WWC2: variants seen among roughly 807,000 people sequenced by gnomAD.
WWC2 encodes the protein WW and C2 domain containing 2.
Under a neutral mutation model 138.5 loss-of-function variants are expected in WWC2, and 101 were observed. The observed-to-expected ratio is 0.73, with a 90% confidence interval of 0.62 to 0.86. The LOEUF (loss-of-function observed/expected upper bound fraction) is 0.86. Among genes scored for constraint, WWC2 ranks in the 40% least tolerant of loss-of-function variants. The pLI is 0.00. For synonymous variants in WWC2, 558 were observed against 538.4 expected (o/e 1.04, Z -0.50); for missense variants, 1,420 against 1,419.4 (o/e 1.00, Z -0.01).
intron 1 of WWC2, among the ~76,000 whole-genome samples, chr4:183,191,359 C>CTT (rs1734985226): frequency 6.6e-6 from 1 of 152,038 alleles, no homozygotes; most frequent in East Asian, 1.9e-4. Flanking sequence ...GGGCACATTG[C>CTT]TTAACATGTT....
At chr4:183,131,952 A>G (rs1433797824) in intron 1 of WWC2, among the ~76,000 whole-genome samples, 3 of 152,200 alleles carry the variant, frequency 2.0e-5, no homozygotes, top group African/African-American at 4.8e-5. Context: ...CTGAGCAGCT[A>G]TGATGCCTCT....
At position 183,318,248 on chromosome 4, in the gene WWC2, CAA is replaced by C. The variant is rs546892924; in HGVS notation, c.*2521_*2522del. The C allele has an allele frequency of 1.1e-4, 17 of 152,434 alleles. No homozygotes were observed. The highest frequency in any genetic ancestry group is 2.5e-4 in the Non-Finnish European group (17 of 67,980). 9.4% of individuals were successfully genotyped at this position (152,434 alleles called of 1,614,324 possible). On this transcript the variant is annotated 3_prime_UTR_variant, in exon 23 of 23. Transcript: ENST00000403733. ...AAAAGAATATTGCTAGCCAAATGAA[CAA>C]AGTTTAGCTAAATCTCTGTAGCATG...
chr4:183,199,289 A>G (rs940126923), intron 2 of WWC2, among the ~76,000 whole-genome samples: 11 of 152,050 alleles, frequency 7.2e-5, no homozygotes, highest in African/African-American at 2.7e-4. Flanking sequence ...TTTGTCGGGA[A>G]TCTTTCAAAG....
chr4:183,231,876 T>C (rs1477185484), intron 4 of WWC2, among the ~76,000 whole-genome samples: 1 of 152,102 alleles, frequency 6.6e-6, no homozygotes, highest in East Asian at 1.9e-4. Flanking sequence ...AAGGCAAAAT[T>C]TGAGCAAAGA....
In WWC2 at chr4:183,317,938, T is replaced by C. The variant is rs573012244; in HGVS notation, c.*2209T>C. The C allele has an allele frequency of 6.6e-6, 1 of 152,310 alleles. No individual in the cohort carries two copies. Among genetic ancestry groups the C allele is most frequent in the South Asian group, 2.1e-4 (1 of 4,830 alleles). 9.4% of individuals were successfully genotyped at this position (152,310 alleles called of 1,614,324 possible). A position where few individuals can be genotyped will look rare whatever the true frequency, so the allele number is the denominator to read the frequency against. Reference sequence around the variant, plus strand: ...ATGAACTTATTTTAATATAATCCTTTTTCTACACTTTAAAAGTCAGCAATA... The same window carrying C: ...ATGAACTTATTTTAATATAATCCTTCTTCTACACTTTAAAAGTCAGCAATA... On this transcript the variant is annotated 3_prime_UTR_variant, in exon 23 of 23. Coordinates refer to ENST00000403733, the MANE Select transcript of WWC2 (RefSeq NM_024949.6).
At chr4:183,151,055 G>A (rs1579989877) in intron 1 of WWC2, among the ~76,000 whole-genome samples, 1 of 152,176 alleles carries the variant, frequency 6.6e-6, no homozygotes, top group Non-Finnish European at 1.5e-5. Flanking sequence ...TATATACCCA[G>A]TAATGAGATT....
chr4:183,209,197 A>G (rs1735528334), intron 4 of WWC2, among the ~76,000 whole-genome samples, 172 bp downstream of exon 4: 1 of 152,142 alleles, frequency 6.6e-6, no homozygotes, highest in Non-Finnish European at 1.5e-5. Context: ...AGTGTGGGAT[A>G]GTCTTTATTA....
intron 1 of WWC2, among the ~76,000 whole-genome samples, chr4:183,124,363 CT>C (rs1176554550): frequency 3.4e-5 from 5 of 147,654 alleles, no homozygotes; most frequent in African/African-American, 2.5e-5. Flanking sequence ...GTGCTTTTTT[CT>C]TTTTTTTTTC....
intron 2 of WWC2, among the ~76,000 whole-genome samples, chr4:183,207,065 G>A (rs1472653973): frequency 6.6e-6 from 1 of 152,202 alleles, no homozygotes; most frequent in African/African-American, 2.4e-5. Context: ...ACCTTCTGGA[G>A]GAGGCAGCAT....
At chr4:183,138,635 C>T (rs776823639) in intron 1 of WWC2, among the ~76,000 whole-genome samples, 5 of 152,094 alleles carry the variant, frequency 3.3e-5, no homozygotes, top group South Asian at 2.1e-4. Flanking sequence ...CTGACTCCTG[C>T]GCAAAGTCAT....
At chr4:183,154,772 A>G (rs898442178) in intron 1 of WWC2, among the ~76,000 whole-genome samples, 1 of 152,144 alleles carries the variant, frequency 6.6e-6, no homozygotes, top group Non-Finnish European at 1.5e-5. Flanking sequence ...TGTGGCGCCT[A>G]GGAGGATAGT....
chr4:183,171,934 T>C (rs369227556), intron 1 of WWC2, among the ~76,000 whole-genome samples: 36 of 152,332 alleles, frequency 2.4e-4, no homozygotes, highest in African/African-American at 6.5e-4. Flanking sequence ...TATCACCTTG[T>C]AAAGAAATCA....
intron 21 of WWC2, among the ~76,000 whole-genome samples, chr4:183,299,544 GAAATTTGCAA>G (rs1315405940): frequency 6.6e-6 from 1 of 152,136 alleles, no homozygotes; most frequent in Non-Finnish European, 1.5e-5. Flanking sequence ...TCTCACCAGT[GAAATTTGCAA>G]AAACCAGTTT....
intron 16 of WWC2, among the ~76,000 whole-genome samples, chr4:183,279,983 G>A (rs1003168396): frequency 6.6e-6 from 1 of 151,848 alleles, no homozygotes; most frequent in Non-Finnish European, 1.5e-5. Context: ...ATCATCTGTG[G>A]GTTTGCCTTA....
chr4:183,213,783 A>C (rs941347310), intron 4 of WWC2, among the ~76,000 whole-genome samples: 1 of 152,160 alleles, frequency 6.6e-6, no homozygotes, highest in Non-Finnish European at 1.5e-5. Context: ...AGAAAATCTC[A>C]ATAGCCATTT....
chr4:183,099,559 A>T lies in WWC2; in HGVS notation c.68A>T (p.Asp23Val). 7.0e-7 allele frequency: 1 copy of T among 1,422,592 alleles called. No individual in the cohort carries two copies. The highest frequency in any genetic ancestry group is 9.3e-7 in the Non-Finnish European group (1 of 1,072,280). 88.1% of individuals were successfully genotyped at this position (1,422,592 alleles called of 1,614,324 possible). A position where few individuals can be genotyped will look rare whatever the true frequency, so the allele number is the denominator to read the frequency against. The change falls in exon 1 of 23, where the codon GAC (aspartate) becomes GTC (valine). Residue 23 changes from aspartate to valine, a missense_variant. Coordinates refer to ENST00000403733, the MANE Select transcript of WWC2 (RefSeq NM_024949.6). ...PRGWEEARDY[D>V]GKVFYIDHNT... ...GGCTGGGAGGAGGCCAGGGACTACG[A>T]CGGCAAGGTCTTCTACATTGACCAC... is the stretch of plus-strand genomic sequence containing the variant.
chr4:183,145,509 C>T (rs1733428391), intron 1 of WWC2, among the ~76,000 whole-genome samples: 1 of 152,146 alleles, frequency 6.6e-6, no homozygotes, highest in Non-Finnish European at 1.5e-5. Flanking sequence ...AATTACATAG[C>T]AAGCTTGCTA....
chr4:183,116,746 T>A (rs1732424807), intron 1 of WWC2, among the ~76,000 whole-genome samples: 1 of 152,248 alleles, frequency 6.6e-6, no homozygotes, highest in Non-Finnish European at 1.5e-5. Flanking sequence ...ACATGTGTAC[T>A]GTATTTTGAC....
At chr4:183,287,063 C>T (rs1257592879) in intron 20 of WWC2, among the ~76,000 whole-genome samples, 1 of 152,100 alleles carries the variant, frequency 6.6e-6, no homozygotes, top group East Asian at 1.9e-4. Flanking sequence ...GCACTGTGGA[C>T]GGGAGGATCA....
Sources: gnomAD v4.1 joint callset for allele counts (sites outside exome capture counted in the v4.1 genomes callset) on GRCh38, gnomAD v4.1.1 for gene constraint, MANE v1.5 for transcripts, NCBI Gene and HGNC (gene_info 2026-07-23, HGNC 2026-07-21) for gene names.